Variants in RHAG observed in about 807,000 individuals in gnomAD.
RHAG encodes the protein ammonium transporter Rh type A.
In RHAG, 25 loss-of-function variants were observed where a neutral mutation model predicts 42.4. The ratio of observed to expected loss-of-function variants is 0.59; its 90% CI spans 0.43 to 0.82. The LOEUF is 0.82. Among genes scored for constraint, RHAG ranks in the 40% least tolerant of loss-of-function variants. RHAG has a pLI of 0.00. For synonymous variants in RHAG, 182 were observed against 177.7 expected (o/e 1.02, Z -0.19); for missense variants, 483 against 504.6 (o/e 0.96, Z 0.41).
chr6:49,610,908 A>G, intron 7 of RHAG, 116 bp downstream of exon 7: 1 of 1,271,080 alleles, frequency 7.9e-7, no homozygotes, highest in Non-Finnish European at 1.1e-6. Context: ...CTTTGGCTCC[A>G]GTAAAGACAA....
At chr6:49,625,353 C>A (rs540298929) in intron 1 of RHAG, among the ~76,000 whole-genome samples, 1 of 152,306 alleles carries the variant, frequency 6.6e-6, no homozygotes, top group African/African-American at 2.4e-5. Context: ...TGACCTTGGG[C>A]AAATTGCTTA....
At chr6:49,615,549 A>T in intron 4 of RHAG, 75 bp downstream of exon 4, 1 of 1,527,744 alleles carries the variant, frequency 6.5e-7, no homozygotes, top group Non-Finnish European at 9.1e-7. Flanking sequence ...TGAGCATCTC[A>T]CACCCTTGTT....
intron 5 of RHAG, among the ~76,000 whole-genome samples, chr6:49,613,403 A>G (rs1483169044): frequency 6.6e-6 from 1 of 152,292 alleles, no homozygotes; most frequent in South Asian, 2.1e-4. Flanking sequence ...AATTTCTCAG[A>G]AAAGTTGCAG....
chr6:49,608,543 CT>C (rs1181245681), intron 7 of RHAG, among the ~76,000 whole-genome samples: 1 of 151,966 alleles, frequency 6.6e-6, no homozygotes. Context: ...ATGCCGGGTA[CT>C]TTTTGTGTTT....
At chr6:49,623,347 T>C (rs1476777277) in intron 1 of RHAG, among the ~76,000 whole-genome samples, 1 of 152,182 alleles carries the variant, frequency 6.6e-6, no homozygotes, top group Non-Finnish European at 1.5e-5. Flanking sequence ...AAAAGGTTTA[T>C]AAACAACTAG....
At chr6:49,634,542 T>C (rs1762978789) in intron 1 of RHAG, among the ~76,000 whole-genome samples, 1 of 152,036 alleles carries the variant, frequency 6.6e-6, no homozygotes, top group African/African-American at 2.4e-5. Context: ...CGATTCACAA[T>C]AGCCAAGATA....
At chr6:49,626,085 A>AAG (rs1762839289) in intron 1 of RHAG, among the ~76,000 whole-genome samples, 1 of 152,218 alleles carries the variant, frequency 6.6e-6, no homozygotes, top group African/African-American at 2.4e-5. Context: ...GAGTGGGAAC[A>AAG]CAGACAAACC....
chr6:49,615,589 A>G, intron 4 of RHAG, 35 bp downstream of exon 4: 1 of 1,612,344 alleles, frequency 6.2e-7, no homozygotes, highest in Non-Finnish European at 8.5e-7. Flanking sequence ...GCCTTTTCAA[A>G]TAGATAAGAT....
chr6:49,633,547 G>T (rs1014170279), intron 1 of RHAG, among the ~76,000 whole-genome samples: 3 of 152,050 alleles, frequency 2.0e-5, no homozygotes, highest in Admixed American at 1.3e-4. Context: ...TGGAAGATGA[G>T]AATTTTCCAG....
chr6:49,615,396 A>G (rs1271760364), intron 4 of RHAG: 1 of 378,994 alleles, frequency 2.6e-6, no homozygotes, highest in East Asian at 4.9e-5. Context: ...ATTTATTATT[A>G]TTATTATTAT....
At chr6:49,608,184 A>G (rs2127349655) in intron 7 of RHAG, among the ~76,000 whole-genome samples, 1 of 152,264 alleles carries the variant, frequency 6.6e-6, no homozygotes, top group Admixed American at 6.5e-5. Flanking sequence ...CACATTAAAT[A>G]TGTTTTAGGG....
intron 4 of RHAG, chr6:49,615,371 TCAAAG>T: frequency 2.9e-6 from 1 of 341,374 alleles, no homozygotes. Flanking sequence ...GCTCATTTTT[TCAAAG>T]TTTAATTGAA....
intron 1 of RHAG, among the ~76,000 whole-genome samples, chr6:49,625,722 A>G (rs1454186984): frequency 2.6e-5 from 4 of 152,314 alleles, no homozygotes; most frequent in Non-Finnish European, 4.4e-5. Context: ...GCAATAGGAT[A>G]TCTTGCAAGC....
rs1300544743 is a variant in RHAG, at chr6:49,636,773, T to G, written c.40A>C (p.Ile14Leu). The G allele has an allele frequency of 6.2e-7, 1 of 1,613,842 alleles. No homozygotes were observed. The highest frequency in any genetic ancestry group is 1.3e-5 in the African/African-American group (1 of 74,920). ...AATCCAAATAAAACAATCATGGCAA[T>G]TTCCAGGACTATAGCCATGAGAGGG... is the stretch of plus-strand genomic sequence containing the variant. Reference protein sequence around the residue: ...TFPLMAIVLEIAMIVLFGLFV... With the variant: ...TFPLMAIVLELAMIVLFGLFV... The change falls in exon 1 of 10, where the codon ATT becomes CTT. Residue 14 changes from isoleucine (I) to leucine (L), a missense_variant. Coordinates refer to ENST00000371175, the MANE Select transcript of RHAG (RefSeq NM_000324.3).
Position 49,615,642 on chromosome 6 carries a change from C to T in RHAG, c.622G>A (p.Asp208Asn), listed in dbSNP as rs368564881. 8 of 1,614,004 alleles carry T rather than the reference C, an allele frequency of 5.0e-6. No individual in the cohort carries two copies. In the African/African-American group the frequency reaches 8.0e-5, roughly 16 times the overall value. ...CACTCACCAATCATTGCAAACAAGT[C>T]TGAGTAGTATGCGGACTCTTCATTT... ...HENEESAYYS[D>N]LFAMIGTLFL... The change falls in exon 4 of 10, where the codon GAC (aspartate) becomes AAC (asparagine). Residue 208 changes from aspartate (D) to asparagine (N), a missense_variant. Physicochemically the swap from Asp to Asn is conservative, Grantham distance 23 (BLOSUM62 1). Transcript: ENST00000371175.
intron 1 of RHAG, among the ~76,000 whole-genome samples, chr6:49,621,198 C>A (rs372892198): frequency 6.6e-6 from 1 of 152,122 alleles, no homozygotes; most frequent in African/African-American, 2.4e-5. Flanking sequence ...TGCTGAGATG[C>A]GCTGCCCAGA....
Position 49,619,216 on chromosome 6 carries a change from G to C in RHAG, c.304C>G (p.Gln102Glu). ...QWGTIVQGIL[Q>E]SQGQKFNIGI... Reference sequence around the variant, plus strand: ...ATGTTAAATTTCTGTCCCTGGCTTTGCAGGATTCCCTGTACAATAGTGCCC... The same window carrying C: ...ATGTTAAATTTCTGTCCCTGGCTTTCCAGGATTCCCTGTACAATAGTGCCC... Residue 102 changes from glutamine (Q) to glutamate (E), a missense_variant, in exon 2 of 10, where the codon CAA (glutamine) becomes GAA (glutamate). Coordinates refer to ENST00000371175, the MANE Select transcript of RHAG (RefSeq NM_000324.3). 1 of 1,614,074 alleles carries C rather than the reference G, an allele frequency of 6.2e-7. No homozygotes were observed. The highest frequency in any genetic ancestry group is 8.5e-7 in the Non-Finnish European group (1 of 1,179,970).
chr6:49,608,328 T>A (rs776228378), intron 7 of RHAG, among the ~76,000 whole-genome samples: 9 of 152,200 alleles, frequency 5.9e-5, no homozygotes, highest in Admixed American at 2.6e-4. Context: ...ACTTGTCTGA[T>A]TATTTTCCTA....
intron 1 of RHAG, among the ~76,000 whole-genome samples, chr6:49,628,185 C>T (rs1472035726): frequency 6.6e-6 from 1 of 151,606 alleles, no homozygotes; most frequent in Non-Finnish European, 1.5e-5. Flanking sequence ...GAGACAGGGT[C>T]TTGCTCTGTT....
Sources: gnomAD v4.1 joint callset for allele counts (sites outside exome capture counted in the v4.1 genomes callset) on GRCh38, gnomAD v4.1.1 for gene constraint, MANE v1.5 for transcripts, NCBI Gene and HGNC (gene_info 2026-07-23, HGNC 2026-07-21) for gene names.